PPP1R12B: variants seen among roughly 807,000 people sequenced by gnomAD.
PPP1R12B encodes the protein myosin phosphatase target subunit 2.
In PPP1R12B, 76 loss-of-function variants were observed where a neutral mutation model predicts 126.1. The ratio of observed to expected loss-of-function variants is 0.60; its 90% CI spans 0.50 to 0.73. The LOEUF (loss-of-function observed/expected upper bound fraction) is 0.73. PPP1R12B is among the 30% of genes least tolerant of loss of function. PPP1R12B has a pLI of 0.00. For missense variants in PPP1R12B, 1,052 were observed against 1,205.1 expected (o/e 0.87, Z 1.88); for synonymous variants, 356 against 434.7 (o/e 0.82, Z 2.25).
chr1:202,589,378 T>G lies in PPP1R12B; in HGVS notation c.*8818T>G, dbSNP rs1409535609. The stretch of plus-strand genomic sequence containing the variant: ...CCCTGGTCACTGACTTGGGGAGAGG[T>G]CAGGGAGGGAAGATTCTTCTCCCCT... On this transcript the variant is annotated 3_prime_UTR_variant, in exon 24 of 24. Coordinates refer to ENST00000608999, the MANE Select transcript of PPP1R12B (RefSeq NM_002481.4). 17 of 151,908 alleles carry G rather than the reference T, an allele frequency of 1.1e-4. No individual in the cohort carries two copies. 9.4% of individuals were successfully genotyped at this position (151,908 alleles called of 1,614,324 possible). A position where few individuals can be genotyped will look rare whatever the true frequency, so the allele number is the denominator to read the frequency against.
chr1:202,511,639 G>A (rs189588612), intron 18 of PPP1R12B, among the ~76,000 whole-genome samples: 165 of 152,050 alleles, frequency 1.1e-3, no homozygotes, highest in African/African-American at 3.5e-3. Context: ...GAGAACATAC[G>A]ATATTTGGTT....
chr1:202,543,815 C>T (rs1323552284), intron 18 of PPP1R12B, among the ~76,000 whole-genome samples: 1 of 152,188 alleles, frequency 6.6e-6, no homozygotes, highest in Non-Finnish European at 1.5e-5. Context: ...TGCCCTCACT[C>T]GCTCCTACCG....
intron 1 of PPP1R12B, among the ~76,000 whole-genome samples, chr1:202,391,102 G>T (rs1323572567): frequency 6.6e-6 from 1 of 151,906 alleles, no homozygotes; most frequent in Non-Finnish European, 1.5e-5. Flanking sequence ...CAGAGTGAGA[G>T]ATATTTGCAA....
intron 18 of PPP1R12B, among the ~76,000 whole-genome samples, chr1:202,515,884 T>C (rs1053004414): frequency 6.6e-6 from 1 of 152,158 alleles, no homozygotes; most frequent in Non-Finnish European, 1.5e-5. Context: ...GATTGACCTT[T>C]CCTGGATCAG....
chr1:202,421,298 T>A (rs1668730158), intron 2 of PPP1R12B, among the ~76,000 whole-genome samples: 1 of 148,854 alleles, frequency 6.7e-6, no homozygotes, highest in Non-Finnish European at 1.5e-5. Flanking sequence ...ATATTATCTC[T>A]CTCTTTTTTT....
chr1:202,446,252 A>ATTT lies in PPP1R12B; in HGVS notation c.1668-2736_1668-2735insTTT, dbSNP rs1441894134. 7.9e-3 allele frequency among the ~76,000 whole-genome samples: 451 copies of ATTT among 57,140 alleles called. 4 individuals carry two copies. Among genetic ancestry groups the ATTT allele is most frequent in the African/African-American group, 0.035 (435 of 12,450 alleles). The allele number at this position is 57,140 out of a possible 152,430, so 37.5% of individuals were successfully genotyped here. A position where few individuals can be genotyped will look rare whatever the true frequency, so the allele number is the denominator to read the frequency against. ...TCTCTCTCTCTATATATATATATAT[A>ATTT]TATATTTTTTTTTTTTTTTGAGATG... is the stretch of plus-strand genomic sequence containing the variant. On this transcript the variant is annotated intron_variant, in intron 12 of 23. Transcript: ENST00000608999.
In PPP1R12B at chr1:202,584,627, C is replaced by A. The variant is rs1359390111; in HGVS notation, c.*4067C>A. 6.6e-6 allele frequency: 1 copy of A among 152,242 alleles called. No homozygotes were observed. Among genetic ancestry groups the A allele is most frequent in the Non-Finnish European group, 1.5e-5 (1 of 68,064 alleles). 9.4% of individuals were successfully genotyped at this position (152,242 alleles called of 1,614,324 possible). The stretch of plus-strand genomic sequence containing the variant: ...GAAAGGCCAGTGTTTCGGTCCAGGC[C>A]ACTGGTGAGTGTCGGCACCCTTGAG... On this transcript the variant is annotated 3_prime_UTR_variant, in exon 24 of 24. Coordinates refer to ENST00000608999, the MANE Select transcript of PPP1R12B (RefSeq NM_002481.4).
intron 12 of PPP1R12B, among the ~76,000 whole-genome samples, chr1:202,446,728 C>T (rs1672341121): frequency 6.6e-6 from 1 of 151,394 alleles, no homozygotes; most frequent in African/African-American, 2.4e-5. Context: ...ATTTAGTTTG[C>T]TCATATGTAA....
chr1:202,447,524 A>G (rs1412762474), intron 12 of PPP1R12B, among the ~76,000 whole-genome samples: 3 of 152,098 alleles, frequency 2.0e-5, no homozygotes, highest in Non-Finnish European at 4.4e-5. Context: ...GAGAGTCTAC[A>G]TTTAAGCAAA....
At chr1:202,486,439 T>TA (rs1207547751) in intron 13 of PPP1R12B, among the ~76,000 whole-genome samples, 1 of 152,102 alleles carries the variant, frequency 6.6e-6, no homozygotes, top group African/African-American at 2.4e-5. Context: ...GAAAATTTCT[T>TA]AAAAAACAAT....
At chr1:202,570,037 A>G (rs1165935376) in intron 23 of PPP1R12B, among the ~76,000 whole-genome samples, 2 of 152,170 alleles carry the variant, frequency 1.3e-5, no homozygotes, top group African/African-American at 4.8e-5. Context: ...TTATTTTGAA[A>G]CATCTGATTC....
chr1:202,522,402 A>T (rs1017339017), intron 18 of PPP1R12B, among the ~76,000 whole-genome samples: 3 of 152,028 alleles, frequency 2.0e-5, no homozygotes, highest in African/African-American at 7.2e-5. Flanking sequence ...AAAAATATAT[A>T]TTTAAATAAG....
chr1:202,437,696 A>G, intron 9 of PPP1R12B, 125 bp from the exon 10 acceptor site: 1 of 822,672 alleles, frequency 1.2e-6, no homozygotes. Context: ...ACTGCCATGT[A>G]TTTGTTCTTC....
Position 202,567,561 on chromosome 1 carries a change from TC to T in PPP1R12B, c.2758-213del, listed in dbSNP as rs1452993290. On this transcript the variant is annotated intron_variant, in intron 21 of 23. Coordinates refer to ENST00000608999, the MANE Select transcript of PPP1R12B (RefSeq NM_002481.4). ...ATTTCAGGGAATACTACTACTGCCT[TC>T]CCCTCCCCAGAGGGAATCCTGCAAA... 3 of 546,332 alleles carry T rather than the reference TC, an allele frequency of 5.5e-6. No individual in the cohort carries two copies. The East Asian group carries it at 8.8e-5, about 16-fold the overall frequency. 33.8% of individuals were successfully genotyped at this position (546,332 alleles called of 1,614,324 possible).
At chr1:202,455,749 G>A (rs1288219309) in intron 13 of PPP1R12B, among the ~76,000 whole-genome samples, 2 of 152,060 alleles carry the variant, frequency 1.3e-5, no homozygotes, top group Non-Finnish European at 2.9e-5. Context: ...AGAATTTCTG[G>A]GTCATATGCC....
intron 14 of PPP1R12B, among the ~76,000 whole-genome samples, chr1:202,492,895 G>A (rs3767412): frequency 0.4 from 61,525 of 151,944 alleles, 14,601 homozygotes; most frequent in East Asian, 0.7. Context: ...AAAAACTAAA[G>A]TATTACATTT....
chr1:202,572,745 G>A (rs1453602438), intron 23 of PPP1R12B, among the ~76,000 whole-genome samples: 1 of 152,188 alleles, frequency 6.6e-6, no homozygotes, highest in African/African-American at 2.4e-5. Context: ...GAGGGACCCA[G>A]CAACCAATTC....
chr1:202,487,109 C>T (rs868050008), intron 13 of PPP1R12B, among the ~76,000 whole-genome samples: 1 of 151,956 alleles, frequency 6.6e-6, no homozygotes, highest in Non-Finnish European at 1.5e-5. Context: ...TTGAGCTTGT[C>T]CCAAGAATTC....
chr1:202,567,819 G>A lies in PPP1R12B; in HGVS notation c.2799G>A (p.Glu933=). Reference sequence around the variant, plus strand: ...CCTCTGACCGATCATCAGTGCTGGAGATGGAGAAACGGGTATGCGCATGTC... The same window carrying A: ...CCTCTGACCGATCATCAGTGCTGGAAATGGAGAAACGGGTATGCGCATGTC... ...EKTSDRSSVL[E]MEKRERRALE... Residue 933 remains glutamate, a synonymous_variant, in exon 22 of 24, where the codon GAG becomes GAA. Coordinates refer to ENST00000608999, the MANE Select transcript of PPP1R12B (RefSeq NM_002481.4). The A allele has an allele frequency of 6.2e-7, 1 of 1,614,034 alleles. No homozygotes were observed. Among genetic ancestry groups the A allele is most frequent in the South Asian group, 1.1e-5 (1 of 91,080 alleles).
Sources: gnomAD v4.1 joint callset for allele counts (sites outside exome capture counted in the v4.1 genomes callset) on GRCh38, gnomAD v4.1.1 for gene constraint, MANE v1.5 for transcripts, NCBI Gene and HGNC (gene_info 2026-07-23, HGNC 2026-07-21) for gene names.